THADA: variants seen among roughly 807,000 people sequenced by gnomAD.
The protein encoded by THADA is THADA armadillo repeat containing, also known as tRNA (32-2'-O)-methyltransferase regulator THADA.
Under a neutral mutation model 219.8 loss-of-function variants are expected in THADA, and 213 were observed. The ratio of observed to expected loss-of-function variants is 0.97; its 90% CI spans 0.87 to 1.09. The LOEUF is 1.09. Among genes scored for constraint, THADA ranks in the 50% least tolerant of loss-of-function variants. The pLI is 0.00. For missense variants in THADA, 2,956 were observed against 2,311.3 expected (o/e 1.28, Z -5.72); for synonymous variants, 1,018 against 828.9 (o/e 1.23, Z -3.92).
At chr2:43,562,614 T>G (rs1326084844) in intron 15 of THADA, 1 of 152,082 alleles carries the variant, frequency 6.6e-6, no homozygotes, top group Non-Finnish European at 1.5e-5. Flanking sequence ...AGGTAGGAGG[T>G]GTTCCCTTCT....
chr2:43,445,128 T>A (rs944134552), intron 26 of THADA, among the ~76,000 whole-genome samples: 5 of 152,158 alleles, frequency 3.3e-5, no homozygotes, highest in African/African-American at 1.2e-4. Context: ...TAACGGCCTG[T>A]GTCTCCTCAC....
intron 29 of THADA, among the ~76,000 whole-genome samples, chr2:43,347,925 A>G (rs1036217059): frequency 6.6e-6 from 1 of 152,146 alleles, no homozygotes; most frequent in Non-Finnish European, 1.5e-5. Flanking sequence ...ATTTCTTCAG[A>G]GAGTGCTGTT....
chr2:43,502,020 C>G (rs1689057753), intron 24 of THADA, among the ~76,000 whole-genome samples: 1 of 151,920 alleles, frequency 6.6e-6, no homozygotes, highest in Non-Finnish European at 1.5e-5. Context: ...ACAGAACCAC[C>G]TATCTATGAA....
At chr2:43,474,665 A>C (rs1685300656) in intron 26 of THADA, among the ~76,000 whole-genome samples, 1 of 152,204 alleles carries the variant, frequency 6.6e-6, no homozygotes, top group Non-Finnish European at 1.5e-5. Context: ...CAAAAGAAGA[A>C]ATCAAGTGAA....
chr2:43,539,536 G>A (rs899024649), intron 21 of THADA, among the ~76,000 whole-genome samples: 2 of 152,112 alleles, frequency 1.3e-5, no homozygotes, highest in Admixed American at 6.5e-5. Context: ...TCAGCAATAC[G>A]AAGAATCAAG....
chr2:43,536,327 C>T (rs575984313), intron 21 of THADA, among the ~76,000 whole-genome samples: 2 of 152,226 alleles, frequency 1.3e-5, no homozygotes, highest in East Asian at 3.9e-4. Flanking sequence ...TACACCAGTA[C>T]CACACTTTTT....
chr2:43,526,210 T>A (rs1693143035), intron 22 of THADA, among the ~76,000 whole-genome samples: 1 of 152,224 alleles, frequency 6.6e-6, no homozygotes, highest in Non-Finnish European at 1.5e-5. Context: ...ATGGAATGAA[T>A]ATACACAGAA....
intron 22 of THADA, among the ~76,000 whole-genome samples, chr2:43,525,174 A>G (rs1040798791): frequency 6.6e-6 from 1 of 152,202 alleles, no homozygotes; most frequent in African/African-American, 2.4e-5. Context: ...TTTTGTTAAC[A>G]TCAACCCCAT....
chr2:43,447,574 A>G, intron 26 of THADA, among the ~76,000 whole-genome samples: 1 of 152,166 alleles, frequency 6.6e-6, no homozygotes, highest in East Asian at 1.9e-4. Context: ...AAAACACAAG[A>G]GTTAAGGCAC....
Position 43,578,177 on chromosome 2 carries a change from A to G in THADA, c.816+336T>C, listed in dbSNP as rs566119614. On this transcript the variant is annotated intron_variant, in intron 9 of 37. Coordinates refer to ENST00000405975, the MANE Select transcript of THADA (RefSeq NM_022065.5). ...TAATTTTTTTTTTTTTTAAGAGACA[A>G]GGTCTCACTCTGTTGCCCAGACTGG... Among the ~76,000 whole-genome samples the G allele has an allele frequency of 9.4e-4, 143 of 151,824 alleles. 1 individual carries two copies. Among genetic ancestry groups the G allele is most frequent in the African/African-American group, 3.4e-3 (140 of 41,432 alleles).
intron 29 of THADA, among the ~76,000 whole-genome samples, chr2:43,352,486 A>G (rs554505708): frequency 1.3e-5 from 2 of 152,256 alleles, no homozygotes; most frequent in African/African-American, 2.4e-5. Flanking sequence ...TGAACCTGGG[A>G]GGTGGAGGTT....
chr2:43,231,660 G>GCAAT (rs1667434488), intron 37 of THADA, among the ~76,000 whole-genome samples: 1 of 152,208 alleles, frequency 6.6e-6, no homozygotes, highest in Non-Finnish European at 1.5e-5. Context: ...ACTTCAACAA[G>GCAAT]GGAGTGGGCT....
At chr2:43,535,596 G>C (rs912844779) in intron 21 of THADA, among the ~76,000 whole-genome samples, 1 of 136,858 alleles carries the variant, frequency 7.3e-6, no homozygotes, top group Non-Finnish European at 1.5e-5. Context: ...CAGGAGAATC[G>C]TTTGAAGCCA....
At chr2:43,502,468 CCAGTTA>C (rs754000770) in intron 24 of THADA, among the ~76,000 whole-genome samples, 28 of 151,600 alleles carry the variant, frequency 1.8e-4, no homozygotes, top group Non-Finnish European at 3.2e-4. Context: ...GTCTATAATG[CCAGTTA>C]CTCAGGAGGC....
At chr2:43,231,623 C>T (rs1254457717) in intron 37 of THADA, among the ~76,000 whole-genome samples, 1 of 152,114 alleles carries the variant, frequency 6.6e-6, no homozygotes, top group African/African-American at 2.4e-5. Flanking sequence ...AGTCAAGATA[C>T]TTTGGGGGAT....
At chr2:43,247,632 G>A (rs1669286833) in intron 36 of THADA, among the ~76,000 whole-genome samples, 2 of 150,004 alleles carry the variant, frequency 1.3e-5, no homozygotes, top group African/African-American at 2.5e-5. Context: ...GGGAGGCTGA[G>A]GCACGAGAAT....
At chr2:43,278,622 A>G (rs956151110) in intron 36 of THADA, among the ~76,000 whole-genome samples, 4 of 152,226 alleles carry the variant, frequency 2.6e-5, no homozygotes, top group Non-Finnish European at 5.9e-5. Context: ...GGAAAAGCTG[A>G]TCTAGGCGAA....
intron 29 of THADA, among the ~76,000 whole-genome samples, chr2:43,383,342 T>A (rs902036905): frequency 1.3e-5 from 2 of 152,216 alleles, no homozygotes; most frequent in Non-Finnish European, 2.9e-5. Flanking sequence ...GAGTTCACCA[T>A]CTTCTTGGTA....
At chr2:43,261,415 G>T (rs902991470) in intron 36 of THADA, among the ~76,000 whole-genome samples, 1 of 150,362 alleles carries the variant, frequency 6.7e-6, no homozygotes, top group East Asian at 2.0e-4. Context: ...GTAGAGATGG[G>T]GTTTCGCCAT....
Sources: gnomAD v4.1 joint callset for allele counts (sites outside exome capture counted in the v4.1 genomes callset) on GRCh38, gnomAD v4.1.1 for gene constraint, MANE v1.5 for transcripts, NCBI Gene and HGNC (gene_info 2026-07-23, HGNC 2026-07-21) for gene names.